ITGA2: variants seen among roughly 807,000 people sequenced by gnomAD.
ITGA2 encodes the protein integrin alpha-2.
A neutral mutation model predicts 146.3 loss-of-function variants in ITGA2; 101 were observed. That is an observed-to-expected ratio of 0.69 (90% CI 0.59 to 0.81). The LOEUF is 0.81. ITGA2 is among the 40% of genes least tolerant of loss of function. The probability of loss-of-function intolerance (pLI) is 0.00; values close to 1 mark genes in which losing one functional copy is unlikely to be tolerated. For synonymous variants in ITGA2, 477 were observed against 487.1 expected (o/e 0.98, Z 0.27); for missense variants, 1,281 against 1,402.7 (o/e 0.91, Z 1.39).
chr5:53,085,143 A>G (rs751409792), intron 27 of ITGA2, among the ~76,000 whole-genome samples: 1 of 152,268 alleles, frequency 6.6e-6, no homozygotes, highest in Admixed American at 6.5e-5. Flanking sequence ...TGTTTCTCAG[A>G]CCACTTAGGA....
chr5:53,021,161 A>G (rs1368786838), intron 1 of ITGA2, among the ~76,000 whole-genome samples: 1 of 151,506 alleles, frequency 6.6e-6, no homozygotes, highest in Admixed American at 6.6e-5. Flanking sequence ...TCTTCTTCAC[A>G]ATTGCTGTTT....
chr5:53,055,847 T>A, intron 8 of ITGA2, 137 bp from the exon 9 acceptor site: 1 of 1,239,080 alleles, frequency 8.1e-7, no homozygotes, highest in Non-Finnish European at 1.2e-6. Flanking sequence ...CAATCCTGTC[T>A]ACTAAATAAA....
chr5:53,022,945 G>A (rs1742761125), intron 1 of ITGA2, among the ~76,000 whole-genome samples: 1 of 152,168 alleles, frequency 6.6e-6, no homozygotes, highest in African/African-American at 2.4e-5. Flanking sequence ...TTTTTATTGT[G>A]AAAATAGAGG....
Position 53,018,222 on chromosome 5 carries a change from G to A in ITGA2, c.65-8526G>A, listed in dbSNP as rs578232089. On this transcript the variant is annotated intron_variant, in intron 1 of 29. Coordinates refer to ENST00000296585, the MANE Select transcript of ITGA2 (RefSeq NM_002203.4). The stretch of plus-strand genomic sequence containing the variant: ...TAAAGTCTCCTATAGGAGCACGGCA[G>A]GCCTTGAGGGATGGGCGTTCTTGGC... 2.1e-3 allele frequency among the ~76,000 whole-genome samples: 314 copies of A among 152,306 alleles called. 1 individual carries two copies. The highest frequency in any genetic ancestry group is 7.4e-3 in the African/African-American group (306 of 41,572).
chr5:53,062,062 T>G (rs1253016891), intron 12 of ITGA2, among the ~76,000 whole-genome samples: 1 of 151,888 alleles, frequency 6.6e-6, no homozygotes, highest in East Asian at 1.9e-4. Context: ...TGAACGTTGT[T>G]GAATGGGATG....
At chr5:53,069,724 C>T (rs1178362811) in intron 16 of ITGA2, among the ~76,000 whole-genome samples, 2 of 151,872 alleles carry the variant, frequency 1.3e-5, no homozygotes, top group Non-Finnish European at 2.9e-5. Context: ...GAGAATGTGT[C>T]CAGTTGCAGG....
chr5:53,043,818 C>T (rs1743924768), intron 3 of ITGA2, among the ~76,000 whole-genome samples: 1 of 152,124 alleles, frequency 6.6e-6, no homozygotes. Context: ...TCTTCCTTCT[C>T]TAAGACACAA....
intron 16 of ITGA2, 46 bp downstream of exon 16, chr5:53,067,303 G>A (rs768140742): frequency 6.2e-6 from 10 of 1,605,390 alleles, no homozygotes; most frequent in Non-Finnish European, 3.4e-6. Context: ...TTGGCTTACA[G>A]AGTTTTAGTC....
chr5:53,037,115 A>G (rs1161067185), intron 2 of ITGA2, among the ~76,000 whole-genome samples: 2 of 152,212 alleles, frequency 1.3e-5, no homozygotes, highest in East Asian at 1.9e-4. Context: ...AAACTGTCCT[A>G]CCTACACCAC....
intron 2 of ITGA2, among the ~76,000 whole-genome samples, chr5:53,033,498 A>G (rs1351529091): frequency 6.6e-6 from 1 of 152,168 alleles, no homozygotes; most frequent in African/African-American, 2.4e-5. Context: ...TCTTTCAAAG[A>G]TAAAAGTCTC....
At chr5:52,991,714 A>G (rs978294588) in intron 1 of ITGA2, among the ~76,000 whole-genome samples, 2 of 152,204 alleles carry the variant, frequency 1.3e-5, no homozygotes, top group Admixed American at 1.3e-4. Context: ...ATCTTATTTT[A>G]ACACTTACAT....
At position 52,989,542 on chromosome 5, in the gene ITGA2, G is replaced by A. The variant is rs767220809; in HGVS notation, c.64+10G>A. Reference sequence around the variant, plus strand: ...TTAGCGCTCAGTCAAGGTAAGCGGGGATTTCGCTCTGCATCGGCTGCAGGA... The same window carrying A: ...TTAGCGCTCAGTCAAGGTAAGCGGGAATTTCGCTCTGCATCGGCTGCAGGA... On this transcript the variant is annotated intron_variant, in intron 1 of 29. Transcript: ENST00000296585. The A allele has an allele frequency of 8.7e-6, 14 of 1,613,724 alleles. No homozygotes were observed. The highest frequency in any genetic ancestry group is 1.7e-5 in the Admixed American group (1 of 59,984).
At chr5:53,005,904 G>T (rs1232430388) in intron 1 of ITGA2, among the ~76,000 whole-genome samples, 1 of 152,104 alleles carries the variant, frequency 6.6e-6, no homozygotes, top group African/African-American at 2.4e-5. Flanking sequence ...TACTGGCTTT[G>T]CTCAGTAAAT....
chr5:53,065,887 T>G lies in ITGA2; in HGVS notation c.1853T>G (p.Phe618Cys). Residue 618 changes from phenylalanine (F) to cysteine (C), a missense_variant, in exon 15 of 30, where the codon TTT becomes TGT. Phe to Cys is a radical substitution (Grantham distance 205, BLOSUM62 -2). This residue lies in a region of ITGA2 where 795 missense variants were observed against 841.7 expected (regional missense o/e 0.94). Coordinates refer to ENST00000296585, the MANE Select transcript of ITGA2 (RefSeq NM_002203.4). ...DGAFRSHLQY[F>C]GRSLDGYGDL... is the part of the protein sequence containing the mutation. ...GCCTTTAGGAGCCATCTCCAGTACTTTGGGAGGTCCTTGGATGGCTATGGA... is the reference window on the plus strand; with the variant it reads ...GCCTTTAGGAGCCATCTCCAGTACTGTGGGAGGTCCTTGGATGGCTATGGA... 1 of 1,612,046 alleles carries G rather than the reference T, an allele frequency of 6.2e-7. No homozygotes were observed. The highest frequency in any genetic ancestry group is 8.5e-7 in the Non-Finnish European group (1 of 1,178,716).
intron 1 of ITGA2, among the ~76,000 whole-genome samples, chr5:53,021,047 A>G (rs1002542715): frequency 1.3e-5 from 2 of 151,576 alleles, no homozygotes; most frequent in Non-Finnish European, 2.9e-5. Context: ...GCTACATTAC[A>G]CTCACAATTG....
intron 1 of ITGA2, among the ~76,000 whole-genome samples, chr5:52,991,106 T>TA (rs753259866): frequency 2.0e-5 from 3 of 152,150 alleles, no homozygotes; most frequent in Admixed American, 6.5e-5. Flanking sequence ...AACCTGGAGT[T>TA]AATAAGGACA....
intron 13 of ITGA2, among the ~76,000 whole-genome samples, 189 bp from the exon 14 acceptor site, chr5:53,064,723 G>A (rs1370794713): frequency 6.6e-6 from 1 of 151,776 alleles, no homozygotes; most frequent in African/African-American, 2.4e-5. Flanking sequence ...TTACAAAAAT[G>A]TTTTATAGAG....
intron 1 of ITGA2, among the ~76,000 whole-genome samples, chr5:53,013,389 T>C (rs1284767266): frequency 1.3e-5 from 2 of 150,164 alleles, no homozygotes; most frequent in Non-Finnish European, 3.0e-5. Context: ...TTTTTTTTTG[T>C]CAACTTTGTC....
At chr5:53,082,186 T>G (rs1745954153) in intron 26 of ITGA2, among the ~76,000 whole-genome samples, 1 of 152,228 alleles carries the variant, frequency 6.6e-6, no homozygotes, top group Non-Finnish European at 1.5e-5. Flanking sequence ...TCTCAAGCTA[T>G]GCCTGCTTCT....
Sources: allele counts gnomAD v4.1 joint callset (sites outside exome capture counted in the v4.1 genomes callset), GRCh38; gene constraint gnomAD v4.1.1; regional missense constraint gnomAD v4.1.1; transcripts MANE v1.5; gene names NCBI Gene and HGNC (gene_info 2026-07-23, HGNC 2026-07-21).